TMEM45A: variants seen among roughly 807,000 people sequenced by gnomAD.
TMEM45A encodes the protein DNA polymerase-transactivated protein 4.
In TMEM45A, 25 loss-of-function variants were observed where a neutral mutation model predicts 32.0. The ratio of observed to expected loss-of-function variants is 0.78; its 90% CI spans 0.57 to 1.09. The LOEUF (loss-of-function observed/expected upper bound fraction) is 1.09. Among genes scored for constraint, TMEM45A ranks in the 50% least tolerant of loss-of-function variants. The probability of loss-of-function intolerance (pLI) is 0.00; values close to 1 mark genes in which losing one functional copy is unlikely to be tolerated. For missense variants in TMEM45A, 302 were observed against 325.0 expected (o/e 0.93, Z 0.54); for synonymous variants, 122 against 114.8 (o/e 1.06, Z -0.40).
At chr3:100,544,498 T>A (rs936646935) in intron 1 of TMEM45A, among the ~76,000 whole-genome samples, 1 of 152,184 alleles carries the variant, frequency 6.6e-6, no homozygotes, top group African/African-American at 2.4e-5. Flanking sequence ...CTTGAAAAGT[T>A]CCCTAATGCC....
chr3:100,568,323 T>C (rs539418849), intron 4 of TMEM45A, among the ~76,000 whole-genome samples: 35 of 152,352 alleles, frequency 2.3e-4, no homozygotes, highest in Non-Finnish European at 4.4e-4. Flanking sequence ...GCTTAATTAC[T>C]CTAGCTAAAT....
intron 1 of TMEM45A, among the ~76,000 whole-genome samples, chr3:100,514,540 C>T (rs1275364913): frequency 3.3e-5 from 5 of 151,888 alleles, no homozygotes; most frequent in Admixed American, 1.3e-4. Flanking sequence ...AAAACCTAGG[C>T]ATTACCATTC....
intron 1 of TMEM45A, among the ~76,000 whole-genome samples, chr3:100,520,542 T>C (rs1332712930): frequency 6.6e-6 from 1 of 152,178 alleles, no homozygotes; most frequent in Non-Finnish European, 1.5e-5. Flanking sequence ...GTTATCCATG[T>C]GGCCTTATAC....
intron 4 of TMEM45A, among the ~76,000 whole-genome samples, chr3:100,559,905 A>G (rs917058637): frequency 2.0e-5 from 3 of 152,206 alleles, no homozygotes; most frequent in Admixed American, 2.0e-4. Flanking sequence ...AAGCAAAACA[A>G]ACAAAAACAG....
At chr3:100,564,625 G>A (rs1428775263) in intron 4 of TMEM45A, among the ~76,000 whole-genome samples, 2 of 152,070 alleles carry the variant, frequency 1.3e-5, no homozygotes, top group Non-Finnish European at 2.9e-5. Context: ...TGGGATTATA[G>A]GCACATGCCA....
At chr3:100,568,564 A>G (rs995389323) in intron 4 of TMEM45A, among the ~76,000 whole-genome samples, 3 of 152,262 alleles carry the variant, frequency 2.0e-5, no homozygotes, top group Admixed American at 1.3e-4. Context: ...CTTAAAGTCC[A>G]GACATTCCTA....
At chr3:100,572,838 C>T (rs1321700391) in intron 5 of TMEM45A, 4 of 148,474 alleles carry the variant, frequency 2.7e-5, no homozygotes, top group African/African-American at 7.4e-5. Context: ...GTTTTCCCAG[C>T]ACCATTTATT....
chr3:100,543,041 C>T (rs192357887), intron 1 of TMEM45A, among the ~76,000 whole-genome samples: 7 of 152,068 alleles, frequency 4.6e-5, no homozygotes, highest in Admixed American at 2.0e-4. Flanking sequence ...CATATATCCA[C>T]TAAAATAAAA....
intron 1 of TMEM45A, among the ~76,000 whole-genome samples, chr3:100,512,062 C>A (rs1033080594): frequency 1.2e-4 from 19 of 152,192 alleles, no homozygotes; most frequent in African/African-American, 4.1e-4. Context: ...TTAGACAGAT[C>A]AATGAGACAG....
chr3:100,504,936 T>A (rs987608830), intron 1 of TMEM45A, among the ~76,000 whole-genome samples: 1 of 152,322 alleles, frequency 6.6e-6, no homozygotes, highest in East Asian at 1.9e-4. Flanking sequence ...TGTATTCTGT[T>A]GAAGTCTCAT....
intron 3 of TMEM45A, among the ~76,000 whole-genome samples, chr3:100,557,871 C>G (rs908795230): frequency 3.3e-5 from 5 of 152,160 alleles, no homozygotes; most frequent in South Asian, 2.1e-4. Flanking sequence ...TTGGGAGCTT[C>G]CAGAGCATGT....
At chr3:100,537,145 A>G (rs1705756604) in intron 1 of TMEM45A, among the ~76,000 whole-genome samples, 1 of 151,704 alleles carries the variant, frequency 6.6e-6, no homozygotes, top group Non-Finnish European at 1.5e-5. Flanking sequence ...TTGGTCTCAA[A>G]CTCCTGACCT....
At chr3:100,556,629 A>G (rs1706225328) in intron 2 of TMEM45A, 131 bp from the exon 3 acceptor site, 1 of 882,972 alleles carries the variant, frequency 1.1e-6, no homozygotes, top group African/African-American at 1.7e-5. Context: ...GCTGTTAGGG[A>G]ACAGCTCAGA....
chr3:100,565,339 A>G (rs996092282), intron 4 of TMEM45A, among the ~76,000 whole-genome samples: 1 of 152,220 alleles, frequency 6.6e-6, no homozygotes, highest in African/African-American at 2.4e-5. Flanking sequence ...TTTCTTTCCA[A>G]TTAAAGGGAA....
intron 1 of TMEM45A, among the ~76,000 whole-genome samples, chr3:100,534,616 G>A (rs140092341): frequency 6.6e-6 from 1 of 152,284 alleles, no homozygotes; most frequent in East Asian, 1.9e-4. Flanking sequence ...CCATCTGTGA[G>A]ACCCATTTCA....
intron 1 of TMEM45A, among the ~76,000 whole-genome samples, chr3:100,514,097 G>T (rs995981350): frequency 4.6e-5 from 7 of 152,166 alleles, no homozygotes; most frequent in African/African-American, 7.2e-5. Context: ...AGCTACCAAT[G>T]ACTTTCTTCA....
intron 5 of TMEM45A, 95 bp downstream of exon 5, chr3:100,569,062 C>A (rs1706503155): frequency 8.1e-7 from 1 of 1,239,552 alleles, no homozygotes; most frequent in African/African-American, 1.5e-5. Context: ...AAGGGTATTT[C>A]ATTCCTTATC....
intron 1 of TMEM45A, among the ~76,000 whole-genome samples, chr3:100,524,676 T>G (rs943936276): frequency 6.6e-6 from 1 of 152,204 alleles, no homozygotes. Flanking sequence ...TTCCAGGGCA[T>G]GCTTTCCTAT....
chr3:100,527,303 CAA>C (rs970873963), intron 1 of TMEM45A, among the ~76,000 whole-genome samples: 21 of 152,154 alleles, frequency 1.4e-4, no homozygotes, highest in African/African-American at 5.1e-4. Flanking sequence ...AGACAAGAAA[CAA>C]AACTCCAACA....
Sources: gnomAD v4.1 joint callset for allele counts (sites outside exome capture counted in the v4.1 genomes callset) on GRCh38, gnomAD v4.1.1 for gene constraint, MANE v1.5 for transcripts, NCBI Gene and HGNC (gene_info 2026-07-23, HGNC 2026-07-21) for gene names.